Variants in CARMIL1 observed in about 807,000 individuals in gnomAD.
The protein encoded by CARMIL1 is F-actin-uncapping protein LRRC16A.
CARMIL1 carries 90 observed loss-of-function variants against 177.1 expected under a neutral mutation model. The observed-to-expected ratio is 0.51, with a 90% CI of 0.43 to 0.61. The LOEUF is 0.61. Among genes scored for constraint, CARMIL1 ranks in the 20% least tolerant of loss-of-function variants. The pLI, the probability that CARMIL1 is intolerant of heterozygous loss-of-function variation, is 0.00. For synonymous variants in CARMIL1, 577 were observed against 606.2 expected (o/e 0.95, Z 0.71); for missense variants, 1,380 against 1,667.0 (o/e 0.83, Z 3.00).
chr6:25,284,576 G>C (rs1047437413), intron 1 of CARMIL1, among the ~76,000 whole-genome samples: 3 of 152,174 alleles, frequency 2.0e-5, no homozygotes, highest in African/African-American at 7.2e-5. Context: ...GGACCTGGTG[G>C]TGTGCGCCTG....
intron 2 of CARMIL1, among the ~76,000 whole-genome samples, chr6:25,296,891 C>A (rs2744295): frequency 0.075 from 5,732 of 76,438 alleles, 315 homozygotes; most frequent in African/African-American, 0.22. Flanking sequence ...GAATATCTAT[C>A]TTTATCTATC....
At chr6:25,327,515 G>C (rs980112837) in intron 2 of CARMIL1, among the ~76,000 whole-genome samples, 2 of 152,328 alleles carry the variant, frequency 1.3e-5, no homozygotes, top group Admixed American at 1.3e-4. Context: ...CTATTTGCTA[G>C]TTTTCCAAAC....
intron 4 of CARMIL1, among the ~76,000 whole-genome samples, chr6:25,430,487 G>A (rs1414078182): frequency 6.6e-6 from 1 of 151,034 alleles, no homozygotes; most frequent in Non-Finnish European, 1.5e-5. Context: ...AGGAGTGCAG[G>A]GGTGCAATCT....
At chr6:25,482,375 T>G in intron 12 of CARMIL1, 32 bp downstream of exon 12, 1 of 1,061,270 alleles carries the variant, frequency 9.4e-7, no homozygotes, top group Non-Finnish European at 1.4e-6. Context: ...TAAGAGTGTG[T>G]CTGAAATATT....
At position 25,430,026 on chromosome 6, in the gene CARMIL1, A is replaced by G. The variant is rs1336489057; in HGVS notation, c.249+3466A>G. On this transcript the variant is annotated intron_variant, in intron 4 of 36. Transcript: ENST00000329474. ...ACATCCAGCTAATTTTTGTATTTTT[A>G]GTAGATATGGGGTTTCACCATGTTG... 2.6e-4 allele frequency among the ~76,000 whole-genome samples: 40 copies of G among 151,854 alleles called. 1 individual carries two copies. The highest frequency in any genetic ancestry group is 2.6e-3 in the Admixed American group (40 of 15,244).
chr6:25,453,837 G>A (rs1199469068), intron 8 of CARMIL1, among the ~76,000 whole-genome samples: 2 of 152,142 alleles, frequency 1.3e-5, no homozygotes, highest in Non-Finnish European at 2.9e-5. Context: ...TGGCCTACGG[G>A]AGTGAAGACA....
intron 9 of CARMIL1, among the ~76,000 whole-genome samples, chr6:25,467,791 A>G (rs1001416977): frequency 6.6e-6 from 1 of 152,210 alleles, no homozygotes; most frequent in Admixed American, 6.5e-5. Flanking sequence ...TACAGTTTGC[A>G]TATATTTTTA....
chr6:25,358,414 A>G (rs1446271754), intron 2 of CARMIL1, among the ~76,000 whole-genome samples: 1 of 152,210 alleles, frequency 6.6e-6, no homozygotes, highest in Non-Finnish European at 1.5e-5. Context: ...GTGGGAATAT[A>G]CAGGTAGGAG....
intron 32 of CARMIL1, among the ~76,000 whole-genome samples, chr6:25,597,343 C>T (rs1433879726): frequency 6.6e-6 from 1 of 152,128 alleles, no homozygotes. Flanking sequence ...GGACAAACCA[C>T]AGGAGTTGGT....
At chr6:25,452,812 G>A (rs1799111571) in intron 8 of CARMIL1, among the ~76,000 whole-genome samples, 1 of 152,198 alleles carries the variant, frequency 6.6e-6, no homozygotes, top group Non-Finnish European at 1.5e-5. Context: ...AAGATGTGTA[G>A]TTAGGAAGTA....
At chr6:25,463,756 T>C (rs1800324185) in intron 8 of CARMIL1, among the ~76,000 whole-genome samples, 1 of 151,528 alleles carries the variant, frequency 6.6e-6, no homozygotes. Flanking sequence ...ACAGAGCATG[T>C]GGTCAATGGA....
At chr6:25,307,928 T>C (rs1426391587) in intron 2 of CARMIL1, among the ~76,000 whole-genome samples, 8 of 152,192 alleles carry the variant, frequency 5.3e-5, no homozygotes, top group African/African-American at 1.9e-4. Context: ...TGGGAGAGAA[T>C]GTTATCTACT....
chr6:25,397,117 A>G (rs1053782502), intron 2 of CARMIL1, among the ~76,000 whole-genome samples: 1 of 152,208 alleles, frequency 6.6e-6, no homozygotes, highest in Non-Finnish European at 1.5e-5. Flanking sequence ...TCAGGGGGCT[A>G]AAACTCCAGA....
intron 32 of CARMIL1, among the ~76,000 whole-genome samples, chr6:25,597,791 C>T (rs1814994236): frequency 1.3e-5 from 2 of 152,166 alleles, no homozygotes; most frequent in African/African-American, 4.8e-5. Context: ...TCTTGAATTG[C>T]TTCCTGAGAA....
rs41271817 is a variant in CARMIL1, at chr6:25,528,877, C to A, written c.2051C>A (p.Thr684Asn). The change falls in exon 24 of 37, where the codon ACC (threonine) becomes AAC (asparagine). Residue 684 changes from threonine (T) to asparagine (N), a missense_variant. Thr to Asn is a moderately conservative substitution (Grantham distance 65). Coordinates refer to ENST00000329474, the MANE Select transcript of CARMIL1 (RefSeq NM_017640.6). Reference protein sequence around the residue: ...QAYRLQQGIVTSTTQQMIDRI... With the variant: ...QAYRLQQGIVNSTTQQMIDRI... ...TACCGCCTGCAGCAGGGTATTGTCACCAGCACCACCCAGCAGGTAAGCGAG... is the reference window on the plus strand; with the variant it reads ...TACCGCCTGCAGCAGGGTATTGTCAACAGCACCACCCAGCAGGTAAGCGAG... 6 of 1,607,722 alleles carry A rather than the reference C, an allele frequency of 3.7e-6. No homozygotes were observed. The highest frequency in any genetic ancestry group is 5.1e-6 in the Non-Finnish European group (6 of 1,177,190).
At chr6:25,280,539 C>T (rs1441915201) in intron 1 of CARMIL1, among the ~76,000 whole-genome samples, 1 of 150,214 alleles carries the variant, frequency 6.7e-6, no homozygotes, top group East Asian at 2.0e-4. Flanking sequence ...TTAGGGAACC[C>T]GTGTGTGTTA....
intron 2 of CARMIL1, among the ~76,000 whole-genome samples, chr6:25,341,579 C>T (rs2690090): frequency 0.19 from 28,335 of 152,078 alleles, 2,960 homozygotes; most frequent in African/African-American, 0.27. Context: ...CAAAAATTAG[C>T]GTGGTGCACA....
Position 25,478,562 on chromosome 6 carries a change from C to T in CARMIL1, c.875-3695C>T, listed in dbSNP as rs554187362. ...CTATAATCCTAGCACTTTGGGAGGC[C>T]GAGGCGGGCAGATCACAAGGTCAGG... is the stretch of plus-strand genomic sequence containing the variant. On this transcript the variant is annotated intron_variant, in intron 11 of 36. Transcript: ENST00000329474. Among the ~76,000 whole-genome samples, 334 of 152,158 alleles carry T rather than the reference C, an allele frequency of 2.2e-3. 1 individual carries two copies. The highest frequency in any genetic ancestry group is 7.5e-3 in the South Asian group (36 of 4,812).
intron 2 of CARMIL1, among the ~76,000 whole-genome samples, chr6:25,310,181 G>A (rs1783679603): frequency 6.6e-6 from 1 of 152,116 alleles, no homozygotes; most frequent in African/African-American, 2.4e-5. Flanking sequence ...GGGCATATGT[G>A]CTCAAGTCTC....
Sources: allele counts gnomAD v4.1 joint callset (sites outside exome capture counted in the v4.1 genomes callset), GRCh38; gene constraint gnomAD v4.1.1; transcripts MANE v1.5; gene names NCBI Gene and HGNC (gene_info 2026-07-23, HGNC 2026-07-21).